SMYD3: variants seen among roughly 807,000 people sequenced by gnomAD.
SMYD3 encodes histone-lysine N-methyltransferase SMYD3.
In SMYD3, 36 loss-of-function variants were observed where a neutral mutation model predicts 57.7. The ratio of observed to expected loss-of-function variants is 0.62; its 90% CI spans 0.48 to 0.82. The LOEUF is 0.82. Among genes scored for constraint, SMYD3 ranks in the 40% least tolerant of loss-of-function variants. The probability of loss-of-function intolerance (pLI) is 0.00; values close to 1 mark genes in which losing one functional copy is unlikely to be tolerated. For missense variants in SMYD3, 515 were observed against 538.8 expected, an observed-to-expected ratio of 0.96 and a Z score of 0.44; for synonymous variants, 211 against 195.0, an observed-to-expected ratio of 1.08 and a Z score of -0.68.
At chr1:246,404,750 A>T (rs2066832092) in intron 1 of SMYD3, among the ~76,000 whole-genome samples, 1 of 152,136 alleles carries the variant, frequency 6.6e-6, no homozygotes, top group East Asian at 1.9e-4. Flanking sequence ...AAAATTGAAA[A>T]TCAACTTCCT....
chr1:245,845,013 G>C (rs12040761), intron 10 of SMYD3, among the ~76,000 whole-genome samples: 19,248 of 152,126 alleles, frequency 0.13, 1,352 homozygotes, highest in South Asian at 0.21. Flanking sequence ...AGACTTTTCC[G>C]TGTACCCCTA....
intron 9 of SMYD3, among the ~76,000 whole-genome samples, chr1:245,863,116 T>A (rs1291760513): frequency 6.6e-6 from 1 of 152,222 alleles, no homozygotes; most frequent in African/African-American, 2.4e-5. Flanking sequence ...TCCACCTTGA[T>A]CTCTTCCTTC....
rs1164274725 is a variant in SMYD3 at position 246,248,808 on chromosome 1, A to ATTTTTTT, written c.531+78386_531+78392dup. Among the ~76,000 whole-genome samples the ATTTTTTT allele has an allele frequency of 8.6e-3, 778 of 90,394 alleles. 32 individuals carry two copies. The highest frequency in any genetic ancestry group is 0.033 in the African/African-American group (676 of 20,788). 59.3% of individuals were successfully genotyped at this position (90,394 alleles called of 152,430 possible). A position where few individuals can be genotyped will look rare whatever the true frequency, so the allele number is the denominator to read the frequency against. On this transcript the variant is annotated intron_variant, in intron 5 of 11. Transcript: ENST00000490107. ...AGGCGCCCGCCACCATGCCCGGCTA[A>ATTTTTTT]TTTTTTTTTTTTTTTTTTTTTGTAT...
chr1:246,036,699 G>A (rs949805231), intron 5 of SMYD3, among the ~76,000 whole-genome samples: 2 of 137,282 alleles, frequency 1.5e-5, no homozygotes, highest in East Asian at 2.4e-4. Context: ...GACTACAGGC[G>A]CCTGCCACTA....
At chr1:245,984,608 A>G (rs2058667066) in intron 5 of SMYD3, among the ~76,000 whole-genome samples, 1 of 152,168 alleles carries the variant, frequency 6.6e-6, no homozygotes, top group Non-Finnish European at 1.5e-5. Flanking sequence ...AGTAATCTGA[A>G]GTAAGGACTG....
Position 246,381,270 on chromosome 1 carries a change from A to C in SMYD3, c.165-26176T>G, listed in dbSNP as rs555442143. On this transcript the variant is annotated intron_variant, in intron 1 of 11. Coordinates refer to ENST00000490107, the MANE Select transcript of SMYD3 (RefSeq NM_001167740.2). ...CTTACTGCCACCTCGAATAAAACTG[A>C]AGTTCTTTTATTAAAGAAGTGCCCA... Among the ~76,000 whole-genome samples the C allele has an allele frequency of 2.6e-5, 4 of 152,314 alleles. No homozygotes were observed. The East Asian group carries it at 7.7e-4, about 29-fold the overall frequency.
intron 1 of SMYD3, among the ~76,000 whole-genome samples, chr1:246,481,350 A>G (rs1393484592): frequency 6.6e-6 from 1 of 151,710 alleles, no homozygotes; most frequent in African/African-American, 2.4e-5. Context: ...AACTGAGGAA[A>G]GCAGATTGCC....
At chr1:245,952,687 T>C (rs987233117) in intron 5 of SMYD3, among the ~76,000 whole-genome samples, 2 of 152,194 alleles carry the variant, frequency 1.3e-5, no homozygotes, top group African/African-American at 2.4e-5. Context: ...GGTCTCACAT[T>C]CTGTGCAAAA....
intron 1 of SMYD3, among the ~76,000 whole-genome samples, chr1:246,365,640 C>T (rs2066089224): frequency 6.6e-6 from 1 of 151,692 alleles, no homozygotes. Context: ...AAAAGTAGGA[C>T]AGTAAAACCT....
chr1:246,097,944 T>C (rs1250342605), intron 5 of SMYD3, among the ~76,000 whole-genome samples: 4 of 152,232 alleles, frequency 2.6e-5, no homozygotes, highest in Non-Finnish European at 5.9e-5. Context: ...GACACCCGTC[T>C]ACATTAAATT....
intron 5 of SMYD3, chr1:246,035,585 T>C (rs2059760189): frequency 6.6e-6 from 1 of 152,218 alleles, no homozygotes; most frequent in African/African-American, 2.4e-5. Flanking sequence ...AGAATTTCCA[T>C]TTCTCTGCGG....
intron 10 of SMYD3, among the ~76,000 whole-genome samples, chr1:245,824,927 A>T (rs1422797895): frequency 6.6e-6 from 1 of 151,700 alleles, no homozygotes; most frequent in Non-Finnish European, 1.5e-5. Flanking sequence ...GCTACTCAGG[A>T]GGCTGAAGCA....
In SMYD3 at chr1:246,133,198, CA is replaced by C. The variant is rs147821875; in HGVS notation, c.531+194002del. On this transcript the variant is annotated intron_variant, in intron 5 of 11. Transcript: ENST00000490107. ...GTATCTAGAATATATAAAGAACTCT[CA>C]AAACTCAAGTTTGAACAACTGAACA... 7.5e-3 allele frequency among the ~76,000 whole-genome samples: 1,143 copies of C among 151,978 alleles called. 11 individuals are homozygous for C. Among genetic ancestry groups the C allele is most frequent in the African/African-American group, 0.026 (1,090 of 41,474 alleles).
chr1:245,827,427 G>T (rs2049565879), intron 10 of SMYD3, among the ~76,000 whole-genome samples: 1 of 152,186 alleles, frequency 6.6e-6, no homozygotes, highest in Non-Finnish European at 1.5e-5. Context: ...AGGGCTCTCT[G>T]CTCCATTCCA....
intron 10 of SMYD3, among the ~76,000 whole-genome samples, chr1:245,842,531 C>T (rs1235081303): frequency 2.0e-5 from 3 of 152,156 alleles, no homozygotes; most frequent in African/African-American, 7.2e-5. Flanking sequence ...GCTTGTACTA[C>T]AGGCCCTGGG....
chr1:246,405,525 G>A (rs79671408), intron 1 of SMYD3, among the ~76,000 whole-genome samples: 4,347 of 152,232 alleles, frequency 0.029, 103 homozygotes, highest in Non-Finnish European at 0.043. Flanking sequence ...CAATTAATCT[G>A]AGATGGTCCA....
At chr1:245,891,905 G>A (rs971526547) in intron 8 of SMYD3, among the ~76,000 whole-genome samples, 4 of 152,160 alleles carry the variant, frequency 2.6e-5, no homozygotes, top group Admixed American at 6.5e-5. Flanking sequence ...AATTAGCAGG[G>A]CATGGTGGCA....
rs189786956 is a variant in SMYD3, at chr1:246,143,589, G to A, written c.531+183612C>T. Reference sequence around the variant, plus strand: ...AGGCTGAGGTGGGAGGATCACTTGAGCCCACGAGGTCAAGGCTGCAGTGAT... The same window carrying A: ...AGGCTGAGGTGGGAGGATCACTTGAACCCACGAGGTCAAGGCTGCAGTGAT... On this transcript the variant is annotated intron_variant, in intron 5 of 11. Transcript: ENST00000490107. Among the ~76,000 whole-genome samples the A allele has an allele frequency of 2.1e-3, 320 of 152,280 alleles. 2 individuals are homozygous for A. Among genetic ancestry groups the A allele is most frequent in the African/African-American group, 7.4e-3 (308 of 41,568 alleles).
Position 245,920,312 on chromosome 1 carries a change from CAAAAAAAAAA to C in SMYD3, c.703-4682_703-4673del, listed in dbSNP as rs142636842. On this transcript the variant is annotated intron_variant, in intron 7 of 11. Transcript: ENST00000490107. ...TGGGCGACAGAGCGAGACTCCGTCT[CAAAAAAAAAA>C]AAAAAAAAAAAAAAAAGATGACCAA... Among the ~76,000 whole-genome samples the C allele has an allele frequency of 1.6e-4, 13 of 82,256 alleles. No individual in the cohort carries two copies. The South Asian group carries it at 5.2e-3, about 33-fold the overall frequency. 54.0% of individuals were successfully genotyped at this position (82,256 alleles called of 152,430 possible).
Sources: allele counts gnomAD v4.1 joint callset (sites outside exome capture counted in the v4.1 genomes callset), GRCh38; gene constraint gnomAD v4.1.1; transcripts MANE v1.5; gene names NCBI Gene and HGNC (gene_info 2026-07-23, HGNC 2026-07-21).